FLNA: variants seen among roughly 807,000 people sequenced by gnomAD.
The protein encoded by FLNA is filamin-A.
A neutral mutation model predicts 157.6 loss-of-function variants in FLNA; 7 were observed. The observed-to-expected ratio is 0.04, with a 90% CI of 0.03 to 0.08. The LOEUF (loss-of-function observed/expected upper bound fraction) is 0.08. FLNA is among the 10% of genes least tolerant of loss of function. The probability of loss-of-function intolerance (pLI) is 1.00; values close to 1 mark genes in which losing one functional copy is unlikely to be tolerated. For synonymous variants in FLNA, 1,103 were observed against 1,060.8 expected, an observed-to-expected ratio of 1.04 and a Z score of -0.77; for missense variants, 1,750 against 2,398.4, an observed-to-expected ratio of 0.73 and a Z score of 5.65.
intron 1 of FLNA, among the ~76,000 whole-genome samples, chrX:154,372,476 T>C (rs1224833614): frequency 9.0e-6 from 1 of 111,231 alleles, no homozygotes; most frequent in East Asian, 2.8e-4. Flanking sequence ...AGGACAGGGA[T>C]CAGGGGCCTG....
rs868975259 is a variant in FLNA, at chrX:154,371,212, C to A, written c.34G>T (p.Ala12Ser). 8.3e-7 allele frequency: 1 copy of A among 1,198,376 alleles called. No individual in the cohort carries two copies. The highest frequency in any genetic ancestry group is 1.8e-5 in the South Asian group (1 of 55,279). The part of the protein sequence containing the change: ...SSSHSRAGQS[A>S]AGAAPGGGVD... ...CCGCCGCCCGGAGCCGCGCCTGCTG[C>A]GCTCTGGCCCGCCCGAGAGTGGGAG... The change falls in exon 2 of 48, where the codon GCA (alanine) becomes TCA (serine). Residue 12 changes from alanine (A) to serine (S), a missense_variant. By Grantham distance (99) the Ala-to-Ser change is moderately conservative. Around this residue, in one of 5 missense-constraint regions of FLNA, gnomAD observed 58 missense variants for 27.8 expected, o/e 2.09. Coordinates refer to ENST00000369850, the MANE Select transcript of FLNA (RefSeq NM_001110556.2).
Position 154,359,573 on chromosome X carries a change from C to G in FLNA, c.4053G>C (p.Glu1351Asp), listed in dbSNP as rs782694834. 8.3e-7 allele frequency: 1 copy of G among 1,211,079 alleles called. No homozygotes were observed. Among genetic ancestry groups the G allele is most frequent in the Middle Eastern group, 2.3e-4 (1 of 4,356 alleles). ...CACGCACCCGGGAGGGGTCGCAGCC[C>G]TCGGTCACGGGCACCTGGAAGGGGC... ...PSSPFQVPVT[E>D]GCDPSRVRVH... The change falls in exon 24 of 48, where the codon GAG (glutamate) becomes GAC (aspartate). Residue 1351 changes from glutamate to aspartate, a missense_variant. Transcript: ENST00000369850.
intron 4 of FLNA, 23 bp from the exon 5 acceptor site, chrX:154,367,567 G>A (rs782262412): frequency 5.0e-6 from 6 of 1,211,211 alleles, no homozygotes; most frequent in Non-Finnish European, 5.6e-6. Context: ...GAAAACAGGA[G>A]CCATCGGGCC....
At position 154,359,839 on chromosome X, in the gene FLNA, G is replaced by A. The variant is rs137853319; in HGVS notation, c.3872C>T (p.Pro1291Leu). 1.4e-4 allele frequency: 174 copies of A among 1,209,459 alleles called. 2 individuals carry two copies. In the Middle Eastern group the frequency reaches 1.8e-3, roughly 13 times the overall value. ...DARALTQTGG[P>L]HVKARVANPS... ...GTTGGCCACACGGGCCTTGACGTGC[G>A]GCCCTCCGGTCTGTGTCAGAGCCCG... is the stretch of plus-strand genomic sequence containing the variant. The change falls in exon 23 of 48, where the codon CCG (proline) becomes CTG (leucine). Residue 1291 changes from proline (P) to leucine (L), a missense_variant. Coordinates refer to ENST00000369850, the MANE Select transcript of FLNA (RefSeq NM_001110556.2).
intron 44 of FLNA, 38 bp from the exon 45 acceptor site, chrX:154,350,245 C>CT: frequency 8.8e-7 from 1 of 1,138,116 alleles, no homozygotes; most frequent in South Asian, 1.8e-5. Context: ...CCTGGGGCCC[C>CT]TCCTCAAACC....
chrX:154,350,929 T>C lies in FLNA; in HGVS notation c.7136A>G (p.Tyr2379Cys), dbSNP rs1206916365. ...HSPSGALEEC[Y>C]VTEIDQDKYA... ...CTCACCTTGGTCAATTTCTGTGACA[T>C]AGCACTCCTCCAGGGCTCCTGAGGG... The change falls in exon 44 of 48, where the codon TAT becomes TGT. Residue 2379 changes from tyrosine (Y) to cysteine (C), a missense_variant. Transcript: ENST00000369850. 16 of 1,209,944 alleles carry C rather than the reference T, an allele frequency of 1.3e-5. No homozygotes were observed. The highest frequency in any genetic ancestry group is 1.8e-5 in the Non-Finnish European group (16 of 894,775).
rs1051252407 is a variant in FLNA at position 154,371,314 on chromosome X, C to T, written c.-69G>A. 5.2e-5 allele frequency: 60 copies of T among 1,152,943 alleles called. No individual in the cohort carries two copies. In the African/African-American group the frequency reaches 8.7e-4, roughly 17 times the overall value. Reference sequence around the variant, plus strand: ...GAGGGGACGGCCCTTTAATTAAAGTCGCAGGCACCTAGGCGCGCGGGAGGC... The same window carrying T: ...GAGGGGACGGCCCTTTAATTAAAGTTGCAGGCACCTAGGCGCGCGGGAGGC... On this transcript the variant is annotated 5_prime_UTR_variant, in exon 2 of 48. Transcript: ENST00000369850.
In FLNA at chrX:154,348,700, C is replaced by A. The variant is rs906324412; in HGVS notation, c.*149G>T. 1.7e-5 allele frequency: 8 copies of A among 479,727 alleles called. No individual in the cohort carries two copies. The highest frequency in any genetic ancestry group is 2.0e-5 in the Non-Finnish European group (6 of 295,436). 39.5% of individuals were successfully genotyped at this position (479,727 alleles called of 1,213,427 possible). A position where few individuals can be genotyped will look rare whatever the true frequency, so the allele number is the denominator to read the frequency against. ...AGAGGTCAGCGGCTGGCTGGGGAGG[C>A]AGGTGAGCGCAGCACGGCACAGGGC... On this transcript the variant is annotated 3_prime_UTR_variant, in exon 48 of 48. Transcript: ENST00000369850.
chrX:154,349,580 G>T lies in FLNA; in HGVS notation c.7553-15C>A. The T allele has an allele frequency of 8.3e-7, 1 of 1,210,948 alleles. No individual in the cohort carries two copies. The highest frequency in any genetic ancestry group is 1.1e-6 in the Non-Finnish European group (1 of 894,249). On this transcript the variant is annotated splice_polypyrimidine_tract_variant and intron_variant, in intron 46 of 47. Coordinates refer to ENST00000369850, the MANE Select transcript of FLNA (RefSeq NM_001110556.2). ...GAGACGGGGGCCTGCAAGGCAGAGT[G>T]GGTGGGGCTAAGAGGTGGCTGTGGT...
Position 154,362,140 on chromosome X carries a change from G to A in FLNA, c.2665C>T (p.Leu889Phe), listed in dbSNP as rs782485771. 2.5e-6 allele frequency: 3 copies of A among 1,211,657 alleles called. No homozygotes were observed. The East Asian group carries it at 8.9e-5, about 36-fold the overall frequency. Residue 889 changes from leucine (L) to phenylalanine (F), a missense_variant, in exon 19 of 48, where the codon CTT becomes TTT. By Grantham distance (22) the Leu-to-Phe change is conservative. Coordinates refer to ENST00000369850, the MANE Select transcript of FLNA (RefSeq NM_001110556.2). ...ACTGTGAAGTGGGTGGGCTTGCCAA[G>A]CTCGACACCTGAGGAACACACAGGG... The part of the protein sequence containing the change: ...GPGLSRTGVE[L>F]GKPTHFTVNA...
At position 154,350,105 on chromosome X, in the gene FLNA, A is replaced by G. The variant is rs782289803; in HGVS notation, c.7259T>C (p.Val2420Ala). The G allele has an allele frequency of 8.3e-6, 10 of 1,209,385 alleles. No homozygotes were observed. Among genetic ancestry groups the G allele is most frequent in the Non-Finnish European group, 1.1e-5 (10 of 894,494 alleles). ...HIPGSPFKIR[V>A]GEPGHGGDPG... ...GTCCCCTCCATGCCCAGGCTCCCCAACTCGGATCTTGAAGGGGCTTCCAGG... is the reference window on the plus strand; with the variant it reads ...GTCCCCTCCATGCCCAGGCTCCCCAGCTCGGATCTTGAAGGGGCTTCCAGG... Residue 2420 changes from valine (V) to alanine (A), a missense_variant, in exon 45 of 48, where the codon GTT (valine) becomes GCT (alanine). Val to Ala is a moderately conservative substitution (Grantham distance 64). Transcript: ENST00000369850.
intron 35 of FLNA, 52 bp downstream of exon 35, chrX:154,353,863 C>T: frequency 5.0e-6 from 6 of 1,204,856 alleles, no homozygotes; most frequent in East Asian, 3.0e-5. Context: ...GCCCTTACCC[C>T]GGTGAGGGCA....
rs200956777 is a variant in FLNA at position 154,353,299 on chromosome X, C to T, written c.6019G>A (p.Val2007Met). 5.8e-6 allele frequency: 7 copies of T among 1,210,624 alleles called. No homozygotes were observed. The highest frequency in any genetic ancestry group is 3.5e-5 in the South Asian group (2 of 56,921). Residue 2007 changes from valine to methionine, a missense_variant, in exon 37 of 48, where the codon GTG (valine) becomes ATG (methionine). Transcript: ENST00000369850. ...CCTGGACCCTTCAGCCGCTTACCCA[C>T]GTGGCCATTACGCAGCCGCTTCAGC... ...CLLKRLRNGH[V>M]GISFVPKETG...
In FLNA at chrX:154,357,165, C is replaced by G. The variant is rs1283444127; in HGVS notation, c.4969+86G>C. 3.2e-6 allele frequency: 3 copies of G among 930,368 alleles called. No homozygotes were observed. The African/African-American group carries it at 5.8e-5, about 18-fold the overall frequency. The allele number at this position is 930,368 out of a possible 1,213,427, so 76.7% of individuals were successfully genotyped here. ...TCCCTGCCTAGAGCTGCAGCTGGAA[C>G]TGTCCTGGGAATCGGCCCCAAGAGG... On this transcript the variant is annotated intron_variant, in intron 30 of 47. Coordinates refer to ENST00000369850, the MANE Select transcript of FLNA (RefSeq NM_001110556.2).
In FLNA at chrX:154,354,902, C is replaced by T. The variant is rs886039102; in HGVS notation, c.5140G>A (p.Ala1714Thr). 1.7e-6 allele frequency: 2 copies of T among 1,212,081 alleles called. No individual in the cohort carries two copies. The highest frequency in any genetic ancestry group is 2.2e-6 in the Non-Finnish European group (2 of 895,595). ...ATGACGTATTTGCCCGGCTGGGGGG[C>T]CGTGTAGAAGATGTCGAAAGTGCCG... ...EDGTFDIFYTAPQPGKYVICV... is the reference protein window; with the variant it reads ...EDGTFDIFYTTPQPGKYVICV... Residue 1714 changes from alanine to threonine, a missense_variant, in exon 31 of 48, where the codon GCC becomes ACC. Physicochemically the swap from Ala to Thr is moderately conservative, Grantham distance 58. Coordinates refer to ENST00000369850, the MANE Select transcript of FLNA (RefSeq NM_001110556.2).
chrX:154,352,372 C>T lies in FLNA; in HGVS notation c.6578G>A (p.Gly2193Glu). The change falls in exon 41 of 48, where the codon GGG becomes GAG. Residue 2193 changes from glycine (G) to glutamate (E), a missense_variant. Gly to Glu is a moderately conservative substitution (Grantham distance 98). Around this residue, in one of 5 missense-constraint regions of FLNA, gnomAD observed 970 missense variants for 1,302.6 expected, o/e 0.74. Transcript: ENST00000369850. ...GCGGATGCAGTAGGTGTGGTTCTCC[C>T]CTTCCACGATCTCGGCCTCATGGGT... ...GKTHEAEIVE[G>E]ENHTYCIRFV... 8.3e-7 allele frequency: 1 copy of T among 1,212,024 alleles called. No homozygotes were observed.
Position 154,370,989 on chromosome X carries a change from T to C in FLNA, c.257A>G (p.Gln86Arg), listed in dbSNP as rs782341272. 2 of 1,210,844 alleles carry C rather than the reference T, an allele frequency of 1.7e-6. No individual in the cohort carries two copies. The highest frequency in any genetic ancestry group is 2.2e-6 in the Non-Finnish European group (2 of 894,998). Residue 86 changes from glutamine (Q) to arginine (R), a missense_variant, in exon 2 of 48, where the codon CAG becomes CGG. Physicochemically the swap from Gln to Arg is conservative, Grantham distance 43 (BLOSUM62 1). Around this residue, in one of 5 missense-constraint regions of FLNA, gnomAD observed 71 missense variants for 239.5 expected, o/e 0.30. Transcript: ENST00000369850. ...GTTGTGCTTGCGGTGCATCTTCTTCTGGCTGAGCACCTCCAACAGCGCGAT... is the reference window on the plus strand; with the variant it reads ...GTTGTGCTTGCGGTGCATCTTCTTCCGGCTGAGCACCTCCAACAGCGCGAT... ...RLIALLEVLS[Q>R]KKMHRKHNQR... is the part of the protein sequence containing the mutation.
rs782310851 is a variant in FLNA, at chrX:154,351,621, G to A, written c.6983C>T (p.Pro2328Leu). ...DSPFVVPVAS[P>L]SGDARRLTVS... ...AGTGAGGCGGCGGGCGTCGCCAGAC[G>A]GAGAAGCCACAGGCACCACGAAGGG... Residue 2328 changes from proline to leucine, a missense_variant, in exon 43 of 48, where the codon CCG becomes CTG. By Grantham distance (98) the Pro-to-Leu change is moderately conservative. Transcript: ENST00000369850. The A allele has an allele frequency of 3.3e-6, 4 of 1,208,055 alleles. No homozygotes were observed. The highest frequency in any genetic ancestry group is 4.5e-6 in the Non-Finnish European group (4 of 893,392).
Position 154,363,966 on chromosome X carries a change from C to T in FLNA, c.2280+56G>A, listed in dbSNP as rs782704704. ...CCACAACCACTTGAAATGGACGAAT[C>T]GTGTGCTACGTGAATGCTATCGAGA... On this transcript the variant is annotated intron_variant, in intron 15 of 47. Coordinates refer to ENST00000369850, the MANE Select transcript of FLNA (RefSeq NM_001110556.2). The T allele has an allele frequency of 1.5e-5, 17 of 1,162,689 alleles. No individual in the cohort carries two copies. In the South Asian group the frequency reaches 2.3e-4, roughly 16 times the overall value.
Sources: allele counts gnomAD v4.1 joint callset (sites outside exome capture counted in the v4.1 genomes callset), GRCh38; gene constraint gnomAD v4.1.1; regional missense constraint gnomAD v4.1.1; transcripts MANE v1.5; gene names NCBI Gene and HGNC (gene_info 2026-07-23, HGNC 2026-07-21).